CNKSR2: variants seen among roughly 807,000 people sequenced by gnomAD.
CNKSR2 encodes the protein CNK homolog protein 2.
Under a neutral mutation model 84.4 loss-of-function variants are expected in CNKSR2, and 14 were observed. That is an observed-to-expected ratio of 0.17 (90% CI 0.11 to 0.26). The LOEUF (loss-of-function observed/expected upper bound fraction) is 0.26. Ranked by LOEUF, CNKSR2 falls within the 10% of genes least tolerant of loss-of-function variation. CNKSR2 has a pLI of 1.00. For missense variants in CNKSR2, 485 were observed against 771.2 expected (o/e 0.63, Z 4.40); for synonymous variants, 275 against 277.9 (o/e 0.99, Z 0.10).
intron 9 of CNKSR2, among the ~76,000 whole-genome samples, chrX:21,525,238 T>C (rs1005772029): frequency 9.9e-5 from 11 of 111,124 alleles, no homozygotes; most frequent in African/African-American, 3.6e-4. Flanking sequence ...TACAGGTGAC[T>C]CCTATGATTA....
At chrX:21,560,013 A>G (rs747624949) in intron 11 of CNKSR2, among the ~76,000 whole-genome samples, 36 of 111,493 alleles carry the variant, frequency 3.2e-4, no homozygotes, top group Non-Finnish European at 5.5e-4. Flanking sequence ...TTTAAAGCAC[A>G]TTGAGTGATT....
intron 5 of CNKSR2, among the ~76,000 whole-genome samples, chrX:21,485,762 A>G (rs2091377017): frequency 8.9e-6 from 1 of 111,982 alleles, no homozygotes; most frequent in South Asian, 3.7e-4. Context: ...TAGCTTTTTT[A>G]AGGCATATCA....
chrX:21,605,127 A>G (rs2092508725), intron 18 of CNKSR2, among the ~76,000 whole-genome samples: 2 of 111,885 alleles, frequency 1.8e-5, no homozygotes, highest in Non-Finnish European at 3.8e-5. Context: ...AGACTCAGAG[A>G]GGTTAAATAA....
At chrX:21,619,625 T>C (rs2092593128) in intron 20 of CNKSR2, among the ~76,000 whole-genome samples, 1 of 111,047 alleles carries the variant, frequency 9.0e-6, no homozygotes, top group African/African-American at 3.3e-5. Context: ...ATAATTTTTT[T>C]TTAATTTTTG....
intron 4 of CNKSR2, among the ~76,000 whole-genome samples, chrX:21,468,168 G>A (rs746998965): frequency 9.1e-6 from 1 of 109,889 alleles, no homozygotes; most frequent in Admixed American, 9.8e-5. Context: ...TCTAAGTCAG[G>A]GGCCATGTTT....
intron 5 of CNKSR2, among the ~76,000 whole-genome samples, chrX:21,478,445 G>T (rs759572521): frequency 2.0e-4 from 22 of 111,676 alleles, no homozygotes; most frequent in Non-Finnish European, 3.8e-4. Flanking sequence ...AAAATAATCT[G>T]GTTTTAGTGT....
At chrX:21,474,719 G>T (rs942022506) in intron 5 of CNKSR2, among the ~76,000 whole-genome samples, 4 of 111,612 alleles carry the variant, frequency 3.6e-5, no homozygotes, top group African/African-American at 1.3e-4. Flanking sequence ...ATAATGAAAC[G>T]CCTCTAAGTG....
chrX:21,455,096 A>G (rs1038579013), intron 4 of CNKSR2, among the ~76,000 whole-genome samples: 1 of 112,239 alleles, frequency 8.9e-6, no homozygotes, highest in Admixed American at 9.4e-5. Context: ...TAGTGCAATT[A>G]GAATATATCT....
intron 4 of CNKSR2, among the ~76,000 whole-genome samples, chrX:21,456,869 A>C (rs755630711): frequency 9.0e-6 from 1 of 111,717 alleles, no homozygotes; most frequent in East Asian, 2.8e-4. Context: ...CGTTTTTGCC[A>C]TTACTTCTTA....
At chrX:21,512,423 G>A (rs1019687757) in intron 8 of CNKSR2, among the ~76,000 whole-genome samples, 2 of 111,886 alleles carry the variant, frequency 1.8e-5, no homozygotes, top group African/African-American at 3.2e-5. Context: ...AGTAATCTGA[G>A]AAAAAGCTGT....
chrX:21,572,336 T>G (rs2092289464), intron 13 of CNKSR2, among the ~76,000 whole-genome samples: 1 of 112,441 alleles, frequency 8.9e-6, no homozygotes, highest in Non-Finnish European at 1.9e-5. Context: ...TAGATATTGC[T>G]TACTAGTAAC....
intron 13 of CNKSR2, among the ~76,000 whole-genome samples, chrX:21,568,681 T>A (rs2092260726): frequency 9.0e-6 from 1 of 111,647 alleles, no homozygotes; most frequent in Admixed American, 9.5e-5. Context: ...ATAAACATTA[T>A]GAAAATGCTA....
intron 2 of CNKSR2, among the ~76,000 whole-genome samples, 191 bp from the exon 3 acceptor site, chrX:21,432,421 A>T (rs1443087631): frequency 1.8e-5 from 2 of 111,589 alleles, no homozygotes; most frequent in Non-Finnish European, 3.8e-5. Context: ...ACATTTTATT[A>T]TAATTTCTTT....
chrX:21,635,085 A>C (rs1244065860), intron 20 of CNKSR2, among the ~76,000 whole-genome samples: 1 of 108,333 alleles, frequency 9.2e-6, no homozygotes, highest in Non-Finnish European at 1.9e-5. Flanking sequence ...TGAAATGTTA[A>C]ATTCTTTTCA....
intron 9 of CNKSR2, among the ~76,000 whole-genome samples, chrX:21,520,603 A>G (rs776445601): frequency 4.9e-4 from 54 of 110,201 alleles, no homozygotes; most frequent in Non-Finnish European, 8.6e-4. Context: ...TGAGAGATGT[A>G]TGGAAGAATT....
intron 5 of CNKSR2, among the ~76,000 whole-genome samples, chrX:21,473,876 A>G (rs1435147689): frequency 9.5e-6 from 1 of 105,424 alleles, no homozygotes; most frequent in Admixed American, 1.0e-4. Context: ...CCTCCCGAGT[A>G]GCTGGGACTA....
intron 20 of CNKSR2, among the ~76,000 whole-genome samples, chrX:21,612,475 G>A (rs1387982620): frequency 8.9e-6 from 1 of 112,281 alleles, no homozygotes; most frequent in African/African-American, 3.2e-5. Flanking sequence ...TAGTCATCAA[G>A]TACAGAACTG....
At chrX:21,497,624 A>G (rs1298624842) in intron 6 of CNKSR2, among the ~76,000 whole-genome samples, 163 bp from the exon 7 acceptor site, 2 of 111,521 alleles carry the variant, frequency 1.8e-5, no homozygotes, top group African/African-American at 6.5e-5. Context: ...TCAGATAGTA[A>G]TTTCTCACCA....
chrX:21,545,765 T>C (rs2092019582), intron 11 of CNKSR2, among the ~76,000 whole-genome samples: 1 of 111,762 alleles, frequency 8.9e-6, no homozygotes, highest in Non-Finnish European at 1.9e-5. Flanking sequence ...CTGCTGGTGA[T>C]GATACCCAGG....
Sources: gnomAD v4.1 joint callset for allele counts (sites outside exome capture counted in the v4.1 genomes callset) on GRCh38, gnomAD v4.1.1 for gene constraint, MANE v1.5 for transcripts, NCBI Gene and HGNC (gene_info 2026-07-23, HGNC 2026-07-21) for gene names.